Variants in SUGCT observed in about 807,000 individuals in gnomAD.
SUGCT encodes the protein succinyl-CoA:glutarate CoA-transferase.
In SUGCT, 41 loss-of-function variants were observed where a neutral mutation model predicts 55.0. That is an observed-to-expected ratio of 0.74 (90% CI 0.58 to 0.97). The LOEUF is 0.97. Ranked by LOEUF, SUGCT falls within the 50% of genes least tolerant of loss-of-function variation. SUGCT has a pLI of 0.00. For synonymous variants in SUGCT, 187 were observed against 200.4 expected (o/e 0.93, Z 0.56); for missense variants, 568 against 547.8 (o/e 1.04, Z -0.37).
At chr7:40,371,127 G>T (rs1331694791) in intron 9 of SUGCT, among the ~76,000 whole-genome samples, 1 of 152,078 alleles carries the variant, frequency 6.6e-6, no homozygotes, top group Non-Finnish European at 1.5e-5. Context: ...GAAGGGAAGA[G>T]TCCATTTTGA....
intron 12 of SUGCT, among the ~76,000 whole-genome samples, chr7:40,614,154 A>G (rs771546719): frequency 2.6e-5 from 4 of 151,822 alleles, no homozygotes; most frequent in African/African-American, 7.3e-5. Context: ...ACATTATCCA[A>G]TTGACTTTGA....
At chr7:40,390,528 A>G (rs1785368115) in intron 9 of SUGCT, among the ~76,000 whole-genome samples, 1 of 152,240 alleles carries the variant, frequency 6.6e-6, no homozygotes, top group Non-Finnish European at 1.5e-5. Flanking sequence ...GTGAACTCCC[A>G]TTCACAGTTG....
chr7:40,392,765 G>C (rs1317659220), intron 9 of SUGCT, among the ~76,000 whole-genome samples: 1 of 152,194 alleles, frequency 6.6e-6, no homozygotes, highest in Non-Finnish European at 1.5e-5. Context: ...CCATGTGAAA[G>C]ATGAGCAAGA....
chr7:41,014,507 A>T, the SUGCT span, among the ~76,000 whole-genome samples: 1 of 152,236 alleles, frequency 6.6e-6, no homozygotes, highest in Admixed American at 6.5e-5. Context: ...TGGAAAGAAC[A>T]TGAGAAATAT....
At chr7:40,429,002 A>G (rs1787748164) in intron 9 of SUGCT, among the ~76,000 whole-genome samples, 1 of 152,176 alleles carries the variant, frequency 6.6e-6, no homozygotes, top group Non-Finnish European at 1.5e-5. Context: ...TCTTTTTAAA[A>G]TAAAAATTTT....
At chr7:40,623,613 T>G (rs1482165265) in intron 12 of SUGCT, among the ~76,000 whole-genome samples, 1 of 152,220 alleles carries the variant, frequency 6.6e-6, no homozygotes, top group Non-Finnish European at 1.5e-5. Context: ...AGAAAATATG[T>G]ACTATTTTAG....
chr7:40,676,894 C>CGTGTGTGT (rs3221667), intron 12 of SUGCT, among the ~76,000 whole-genome samples: 4,916 of 144,026 alleles, frequency 0.034, 83 homozygotes, highest in Middle Eastern at 0.056. Flanking sequence ...TTCAGAATGA[C>CGTGTGTGT]GTGTGTGTGT....
At chr7:40,524,976 T>C (rs909194154) in intron 12 of SUGCT, among the ~76,000 whole-genome samples, 1 of 152,200 alleles carries the variant, frequency 6.6e-6, no homozygotes, top group Non-Finnish European at 1.5e-5. Context: ...ATGTTTATCT[T>C]TGGCTTCTGG....
chr7:40,811,454 T>C (rs2108375), intron 13 of SUGCT, among the ~76,000 whole-genome samples: 49,967 of 151,944 alleles, frequency 0.33, 8,801 homozygotes, highest in East Asian at 0.53. Context: ...AGCACTGTTT[T>C]ATAGTTCTCC....
chr7:40,283,213 A>G (rs991862067), intron 8 of SUGCT, among the ~76,000 whole-genome samples: 1 of 151,984 alleles, frequency 6.6e-6, no homozygotes, highest in African/African-American at 2.4e-5. Context: ...AACGACCTGA[A>G]TAGACATTTC....
intron 12 of SUGCT, among the ~76,000 whole-genome samples, chr7:40,672,090 C>A (rs1477963950): frequency 1.3e-5 from 2 of 152,106 alleles, no homozygotes; most frequent in African/African-American, 4.8e-5. Context: ...GGAGAGAGAA[C>A]CTTTTTAACA....
At chr7:40,742,196 A>G (rs1281309260) in intron 12 of SUGCT, among the ~76,000 whole-genome samples, 1 of 152,164 alleles carries the variant, frequency 6.6e-6, no homozygotes, top group Non-Finnish European at 1.5e-5. Flanking sequence ...ACCAATTTTC[A>G]TAGTTTTTTT....
At chr7:40,181,045 C>T (rs749244675) in intron 2 of SUGCT, 47 bp downstream of exon 2, 7 of 1,349,702 alleles carry the variant, frequency 5.2e-6, no homozygotes, top group African/African-American at 1.5e-5. Flanking sequence ...TTTTCCCTTT[C>T]CTCAAAAACT....
At chr7:40,616,429 G>A (rs1013367666) in intron 12 of SUGCT, among the ~76,000 whole-genome samples, 6 of 152,124 alleles carry the variant, frequency 3.9e-5, no homozygotes, top group African/African-American at 7.2e-5. Flanking sequence ...TGATCTACCC[G>A]CCTCAGCCTC....
At chr7:40,963,335 A>G in the SUGCT span, among the ~76,000 whole-genome samples, 1 of 152,252 alleles carries the variant, frequency 6.6e-6, no homozygotes, top group Middle Eastern at 3.4e-3. Context: ...TGAGATGGAG[A>G]TAGATTTCTT....
At chr7:40,737,796 C>T (rs573509898) in intron 12 of SUGCT, among the ~76,000 whole-genome samples, 51 of 152,132 alleles carry the variant, frequency 3.4e-4, no homozygotes, top group South Asian at 8.3e-4. Context: ...TGGTGGCGGG[C>T]GCCTGTAATC....
chr7:40,596,626 T>G (rs555817897), intron 12 of SUGCT, among the ~76,000 whole-genome samples: 1 of 152,190 alleles, frequency 6.6e-6, no homozygotes, highest in Non-Finnish European at 1.5e-5. Flanking sequence ...TATATATCTT[T>G]GGAAACTTGG....
chr7:40,755,897 G>A (rs1013527347), intron 13 of SUGCT, among the ~76,000 whole-genome samples: 2 of 152,076 alleles, frequency 1.3e-5, no homozygotes, highest in African/African-American at 4.8e-5. Flanking sequence ...AGCAGCTCCA[G>A]GTTCTTCAAT....
At chr7:40,208,262 G>A (rs746225656) in intron 6 of SUGCT, among the ~76,000 whole-genome samples, 28 of 152,250 alleles carry the variant, frequency 1.8e-4, no homozygotes, top group Non-Finnish European at 2.6e-4. Context: ...GAGATGGATG[G>A]TGGTGATAGT....
Sources: gnomAD v4.1 joint callset for allele counts (sites outside exome capture counted in the v4.1 genomes callset) on GRCh38, gnomAD v4.1.1 for gene constraint, MANE v1.5 for transcripts, NCBI Gene and HGNC (gene_info 2026-07-23, HGNC 2026-07-21) for gene names.